TTBK2: variants seen among roughly 807,000 people sequenced by gnomAD.
TTBK2 encodes the protein tau tubulin kinase 2, also known as tau-tubulin kinase 2.
In TTBK2, 28 loss-of-function variants were observed where a neutral mutation model predicts 110.8. The ratio of observed to expected loss-of-function variants is 0.25; its 90% CI spans 0.19 to 0.35. The LOEUF (loss-of-function observed/expected upper bound fraction) is 0.35. Ranked by LOEUF, TTBK2 falls within the 10% of genes least tolerant of loss-of-function variation. The pLI is 1.00. For synonymous variants in TTBK2, 532 were observed against 527.3 expected, an observed-to-expected ratio of 1.01 and a Z score of -0.12; for missense variants, 1,369 against 1,500.3, an observed-to-expected ratio of 0.91 and a Z score of 1.45.
intron 6 of TTBK2, among the ~76,000 whole-genome samples, chr15:42,824,850 G>T (rs563434863): frequency 5.9e-5 from 9 of 151,750 alleles, no homozygotes; most frequent in African/African-American, 2.2e-4. Flanking sequence ...ACTTGCACAG[G>T]TGCCCCAAAC....
At chr15:42,804,791 G>A (rs1333999974) in intron 9 of TTBK2, among the ~76,000 whole-genome samples, 1 of 152,182 alleles carries the variant, frequency 6.6e-6, no homozygotes, top group East Asian at 1.9e-4. Flanking sequence ...GCTGGCTGCA[G>A]ACAGCAGTCA....
At chr15:42,909,690 C>T (rs1250823210) in intron 1 of TTBK2, among the ~76,000 whole-genome samples, 1 of 152,032 alleles carries the variant, frequency 6.6e-6, no homozygotes, top group Non-Finnish European at 1.5e-5. Flanking sequence ...ACAAACTACA[C>T]TGAAAAAAAT....
Position 42,783,416 on chromosome 15 carries a change from T to C in TTBK2, c.1197+3A>G. ...ATTTCTGTTGTTTATAAGGTACTCA[T>C]ACCTTACAAATTCCAAGCTTTATCT... On this transcript the variant is annotated splice_donor_region_variant and intron_variant, in intron 11 of 14. Coordinates refer to ENST00000267890, the MANE Select transcript of TTBK2 (RefSeq NM_173500.4). The C allele has an allele frequency of 6.2e-7, 1 of 1,613,586 alleles. No individual in the cohort carries two copies. Among genetic ancestry groups the C allele is most frequent in the Non-Finnish European group, 8.5e-7 (1 of 1,179,512 alleles).
chr15:42,835,160 A>G (rs1011775152), intron 4 of TTBK2, among the ~76,000 whole-genome samples: 7 of 152,202 alleles, frequency 4.6e-5, no homozygotes, highest in Non-Finnish European at 1.5e-5. Flanking sequence ...CATTAAAATA[A>G]TGGATGATGA....
At chr15:42,776,797 A>G in intron 12 of TTBK2, 1 of 587,316 alleles carries the variant, frequency 1.7e-6, no homozygotes, top group South Asian at 2.2e-5. Flanking sequence ...CTTACTGCTC[A>G]GCTTCCAAAG....
intron 3 of TTBK2, among the ~76,000 whole-genome samples, chr15:42,869,931 C>G (rs1192535538): frequency 6.6e-6 from 1 of 152,112 alleles, no homozygotes; most frequent in Non-Finnish European, 1.5e-5. Flanking sequence ...AATCCCAACA[C>G]TTTGGAAAGC....
intron 8 of TTBK2, among the ~76,000 whole-genome samples, 165 bp from the exon 9 acceptor site, chr15:42,810,904 T>G (rs935472860): frequency 1.3e-5 from 2 of 152,114 alleles, no homozygotes; most frequent in African/African-American, 4.8e-5. Flanking sequence ...GTACAGTGTT[T>G]TAAAGCGGAA....
intron 3 of TTBK2, among the ~76,000 whole-genome samples, chr15:42,845,695 C>G (rs1893429229): frequency 7.1e-6 from 1 of 140,752 alleles, no homozygotes; most frequent in African/African-American, 2.6e-5. Flanking sequence ...AAGCTAGGCA[C>G]ATCCTCCCAT....
intron 10 of TTBK2, among the ~76,000 whole-genome samples, chr15:42,793,553 T>TA (rs202051684): frequency 1.2e-4 from 18 of 147,614 alleles, no homozygotes; most frequent in Admixed American, 5.4e-4. Flanking sequence ...CTCCATCTCT[T>TA]AAAAAAAAAA....
At chr15:42,903,379 C>T (rs2030184843) in intron 1 of TTBK2, among the ~76,000 whole-genome samples, 2 of 152,096 alleles carry the variant, frequency 1.3e-5, no homozygotes, top group Non-Finnish European at 2.9e-5. Context: ...TGGAAATGTA[C>T]TTAAGGCCAC....
chr15:42,758,874 G>T (rs1421680753), intron 13 of TTBK2, among the ~76,000 whole-genome samples: 1 of 152,104 alleles, frequency 6.6e-6, no homozygotes, highest in Non-Finnish European at 1.5e-5. Context: ...CTGGAGCCTG[G>T]AGCCTAGTTT....
intron 10 of TTBK2, among the ~76,000 whole-genome samples, chr15:42,784,477 C>G (rs991936730): frequency 2.0e-5 from 3 of 152,118 alleles, no homozygotes; most frequent in Non-Finnish European, 2.9e-5. Flanking sequence ...AGGGTTTCGC[C>G]ATGTTGGGCA....
rs1889843829 is a variant in TTBK2, at chr15:42,775,127, T to C, written c.1998+8A>G. ...AACAGAGAATAATAATAAAAACAAATTTCTTACCGCTGTAAGGGGTCCTTC... is the reference window on the plus strand; with the variant it reads ...AACAGAGAATAATAATAAAAACAAACTTCTTACCGCTGTAAGGGGTCCTTC... On this transcript the variant is annotated splice_region_variant and intron_variant, in intron 13 of 14. Transcript: ENST00000267890. The C allele has an allele frequency of 6.2e-7, 1 of 1,611,294 alleles. No homozygotes were observed. Among genetic ancestry groups the C allele is most frequent in the African/African-American group, 1.3e-5 (1 of 74,904 alleles).
At chr15:42,917,028 T>C (rs1413103791) in intron 1 of TTBK2, among the ~76,000 whole-genome samples, 8 of 152,196 alleles carry the variant, frequency 5.3e-5, no homozygotes, top group Admixed American at 3.9e-4. Context: ...TAAATCTCGA[T>C]AGCTTACCAA....
intron 1 of TTBK2, among the ~76,000 whole-genome samples, chr15:42,902,947 T>C (rs1034736404): frequency 1.3e-5 from 2 of 148,994 alleles, no homozygotes; most frequent in Non-Finnish European, 3.0e-5. Flanking sequence ...ATCGCGCCAT[T>C]GCACTCCAGC....
intron 9 of TTBK2, among the ~76,000 whole-genome samples, chr15:42,799,704 G>T (rs1891097209): frequency 6.6e-6 from 1 of 152,030 alleles, no homozygotes; most frequent in African/African-American, 2.4e-5. Flanking sequence ...TCAAAGTGCT[G>T]GGATTACAGG....
In TTBK2 at chr15:42,793,254, C is replaced by T. The variant is rs1890776410; in HGVS notation, c.980+1390G>A. Among the ~76,000 whole-genome samples, 3 of 152,214 alleles carry T rather than the reference C, an allele frequency of 2.0e-5. No individual in the cohort carries two copies. In the South Asian group the frequency reaches 6.2e-4, roughly 32 times the overall value. On this transcript the variant is annotated intron_variant, in intron 10 of 14. Coordinates refer to ENST00000267890, the MANE Select transcript of TTBK2 (RefSeq NM_173500.4). ...GGAATAGGCGTTTTTTAAAAACATCCGTGGTGATTCTGGGTCTAGTCAGGG... is the reference window on the plus strand; with the variant it reads ...GGAATAGGCGTTTTTTAAAAACATCTGTGGTGATTCTGGGTCTAGTCAGGG...
intron 9 of TTBK2, among the ~76,000 whole-genome samples, chr15:42,799,302 G>A (rs1370891804): frequency 6.6e-6 from 1 of 152,008 alleles, no homozygotes. Context: ...CCTGGGACGC[G>A]GAGCTTGCAG....
At position 42,740,528 on chromosome 15, in the gene TTBK2, G is replaced by C. The variant is rs1160040049; in HGVS notation, c.*5267C>G. 6.6e-6 allele frequency: 1 copy of C among 151,642 alleles called. No homozygotes were observed. Among genetic ancestry groups the C allele is most frequent in the Non-Finnish European group, 1.5e-5 (1 of 67,946 alleles). 9.4% of individuals were successfully genotyped at this position (151,642 alleles called of 1,614,324 possible). ...AACTGAATTAGAAGACGTCTTAATGGGCATAGACTTTATTTTTGTTTTACT... is the reference window on the plus strand; with the variant it reads ...AACTGAATTAGAAGACGTCTTAATGCGCATAGACTTTATTTTTGTTTTACT... On this transcript the variant is annotated 3_prime_UTR_variant, in exon 15 of 15. Transcript: ENST00000267890.
Sources: gnomAD v4.1 joint callset for allele counts (sites outside exome capture counted in the v4.1 genomes callset) on GRCh38, gnomAD v4.1.1 for gene constraint, MANE v1.5 for transcripts, NCBI Gene and HGNC (gene_info 2026-07-23, HGNC 2026-07-21) for gene names.